The following TNFRSF10A variants were observed in gnomAD, a reference collection of about 807,000 sequenced individuals.
TNFRSF10A encodes tumor necrosis factor receptor superfamily member 10A.
TNFRSF10A carries 44 observed loss-of-function variants against 42.8 expected under a neutral mutation model. The ratio of observed to expected loss-of-function variants is 1.03; its 90% CI spans 0.81 to 1.32. TNFRSF10A has a LOEUF of 1.32. Among genes scored for constraint, TNFRSF10A ranks in the 40% most tolerant of loss-of-function variants. The pLI is 0.00. For missense variants in TNFRSF10A, 680 were observed against 602.0 expected (o/e 1.13, Z -1.36); for synonymous variants, 259 against 234.2 (o/e 1.11, Z -0.97).
intron 2 of TNFRSF10A, among the ~76,000 whole-genome samples, chr8:23,204,134 A>G (rs4872079): frequency 0.93 from 141,377 of 152,176 alleles, 66,622 homozygotes; most frequent in East Asian, 1. Flanking sequence ...TGATAAAAAT[A>G]TGATTATTCA....
At chr8:23,200,426 G>A in intron 6 of TNFRSF10A, 79 bp downstream of exon 6, 2 of 1,503,986 alleles carry the variant, frequency 1.3e-6, no homozygotes, top group Non-Finnish European at 1.8e-6. Flanking sequence ...TTGGGGCAGG[G>A]GTGAGCGTTT....
In TNFRSF10A at chr8:23,214,210, G is replaced by A. The variant is rs1327833855; in HGVS notation, c.307-1998C>T. On this transcript the variant is annotated intron_variant, in intron 1 of 9. Coordinates refer to ENST00000221132, the MANE Select transcript of TNFRSF10A (RefSeq NM_003844.4). ...TGTTTTAAAATGTGTTGTTTAGGCC[G>A]GGCGCAGTGGCTCATGCCTGTAATC... Among the ~76,000 whole-genome samples, 8 of 152,050 alleles carry A rather than the reference G, an allele frequency of 5.3e-5. No homozygotes were observed. The South Asian group carries it at 6.2e-4, about 12-fold the overall frequency.
At chr8:23,218,865 A>C (rs1372177012) in intron 1 of TNFRSF10A, among the ~76,000 whole-genome samples, 1 of 152,220 alleles carries the variant, frequency 6.6e-6, no homozygotes, top group African/African-American at 2.4e-5. Flanking sequence ...GTCTGGTTGT[A>C]TGAGGATTAA....
intron 9 of TNFRSF10A, among the ~76,000 whole-genome samples, chr8:23,195,779 G>C (rs548007154): frequency 2.0e-5 from 3 of 152,100 alleles, no homozygotes; most frequent in Non-Finnish European, 4.4e-5. Context: ...CAATCTTTTA[G>C]TATTAAATTA....
intron 9 of TNFRSF10A, among the ~76,000 whole-genome samples, chr8:23,195,437 A>C (rs1044783181): frequency 6.6e-6 from 1 of 152,152 alleles, no homozygotes; most frequent in Admixed American, 6.5e-5. Context: ...TCTCTGCCTA[A>C]TTTCTCTAGA....
chr8:23,216,116 C>A (rs964919456), intron 1 of TNFRSF10A, among the ~76,000 whole-genome samples: 3 of 152,116 alleles, frequency 2.0e-5, no homozygotes, highest in African/African-American at 4.8e-5. Flanking sequence ...TCTCGTCCGG[C>A]CAGTTTATTA....
At position 23,191,558 on chromosome 8, in the gene TNFRSF10A, C is replaced by G. The variant is rs1800753784; in HGVS notation, c.*136G>C. The G allele has an allele frequency of 8.3e-6, 11 of 1,326,550 alleles. No individual in the cohort carries two copies. The South Asian group carries it at 1.6e-4, about 19-fold the overall frequency. 82.2% of individuals were successfully genotyped at this position (1,326,550 alleles called of 1,614,324 possible). A position where few individuals can be genotyped will look rare whatever the true frequency, so the allele number is the denominator to read the frequency against. ...CAAGTGATCCACCCGCCTCAGCCTC[C>G]CAAAGTGCTGGGATTACAGGCATGA... is the stretch of plus-strand genomic sequence containing the variant. On this transcript the variant is annotated 3_prime_UTR_variant, in exon 10 of 10. Coordinates refer to ENST00000221132, the MANE Select transcript of TNFRSF10A (RefSeq NM_003844.4).
chr8:23,198,173 C>T (rs1299419144), intron 8 of TNFRSF10A, among the ~76,000 whole-genome samples: 3 of 152,052 alleles, frequency 2.0e-5, no homozygotes, highest in African/African-American at 4.8e-5. Context: ...ATGGGAGAAT[C>T]GGCAGCTCAA....
chr8:23,203,843 C>T (rs1800969974), intron 2 of TNFRSF10A, among the ~76,000 whole-genome samples: 1 of 148,234 alleles, frequency 6.7e-6, no homozygotes, highest in Non-Finnish European at 1.5e-5. Context: ...GTGGCGTGAT[C>T]TTGGCTCACT....
intron 2 of TNFRSF10A, 147 bp from the exon 3 acceptor site, chr8:23,202,908 G>C (rs1398193053): frequency 1.7e-6 from 1 of 599,242 alleles, no homozygotes; most frequent in East Asian, 2.9e-5. Flanking sequence ...CGTCAATTCT[G>C]CATCTATACA....
rs1174953913 is a variant in TNFRSF10A at position 23,192,014 on chromosome 8, C to G, written c.1088-1G>C. On this transcript the variant is annotated splice_acceptor_variant, in intron 9 of 9. Coordinates refer to ENST00000221132, the MANE Select transcript of TNFRSF10A (RefSeq NM_003844.4). LOFTEE classifies it high-confidence loss of function. ...AACTTGTCAAAGAACAGCATCAGAGCTGGGTGGAGAAAGCCACAGAGACAG... is the reference window on the plus strand; with the variant it reads ...AACTTGTCAAAGAACAGCATCAGAGGTGGGTGGAGAAAGCCACAGAGACAG... 1 of 1,611,038 alleles carries G rather than the reference C, an allele frequency of 6.2e-7. No individual in the cohort carries two copies. Among genetic ancestry groups the G allele is most frequent in the Non-Finnish European group, 8.5e-7 (1 of 1,179,040 alleles).
intron 8 of TNFRSF10A, among the ~76,000 whole-genome samples, chr8:23,198,171 A>C (rs1227470843): frequency 6.6e-6 from 1 of 152,198 alleles, no homozygotes; most frequent in Non-Finnish European, 1.5e-5. Context: ...AAATGGGAGA[A>C]TCGGCAGCTC....
intron 9 of TNFRSF10A, among the ~76,000 whole-genome samples, chr8:23,194,975 G>A (rs1043949586): frequency 5.9e-5 from 9 of 152,038 alleles, no homozygotes; most frequent in African/African-American, 1.7e-4. Context: ...ACTGGCCAAC[G>A]TGGCAAAACC....
intron 2 of TNFRSF10A, among the ~76,000 whole-genome samples, chr8:23,211,401 A>G (rs1801090355): frequency 6.6e-6 from 1 of 152,208 alleles, no homozygotes; most frequent in Non-Finnish European, 1.5e-5. Flanking sequence ...AAAATTAGAG[A>G]TGATTTAAAT....
At chr8:23,218,772 C>T (rs1801218273) in intron 1 of TNFRSF10A, among the ~76,000 whole-genome samples, 1 of 152,202 alleles carries the variant, frequency 6.6e-6, no homozygotes, top group Admixed American at 6.5e-5. Flanking sequence ...GTTGCTCATC[C>T]TCCTGCCCAG....
chr8:23,199,523 C>T, intron 7 of TNFRSF10A, 75 bp from the exon 8 acceptor site: 1 of 1,533,946 alleles, frequency 6.5e-7, no homozygotes, highest in East Asian at 2.3e-5. Flanking sequence ...ACGGCTGGAC[C>T]TGCTGCCACC....
chr8:23,224,062 C>T (rs1801294844), intron 1 of TNFRSF10A, among the ~76,000 whole-genome samples: 1 of 151,948 alleles, frequency 6.6e-6, no homozygotes, highest in African/African-American at 2.4e-5. Flanking sequence ...CGCGGTGGCT[C>T]ACGCCTGTAA....
At chr8:23,207,407 G>C in intron 2 of TNFRSF10A, 1 of 513,180 alleles carries the variant, frequency 1.9e-6, no homozygotes, top group Non-Finnish European at 3.8e-6. Flanking sequence ...ACATGTATAT[G>C]TTTTCACCAG....
At position 23,200,738 on chromosome 8, in the gene TNFRSF10A, C is replaced by A. The variant is rs368869003; in HGVS notation, c.652G>T (p.Val218Phe). The A allele has an allele frequency of 1.2e-4, 197 of 1,613,784 alleles. No homozygotes were observed. The highest frequency in any genetic ancestry group is 1.6e-4 in the Non-Finnish European group (183 of 1,179,968). ...SRGCPRGMVKVKDCTPWSDIE... is the reference protein window; with the variant it reads ...SRGCPRGMVKFKDCTPWSDIE... ...TCACTCCAGGGCGTACAATCCTTGA[C>A]CTTGACCATCCCTCTGGGGCACCTG... is the stretch of plus-strand genomic sequence containing the variant. The change falls in exon 5 of 10, where the codon GTC (valine) becomes TTC (phenylalanine). Residue 218 changes from valine (V) to phenylalanine (F), a missense_variant. Transcript: ENST00000221132.
Sources: allele counts gnomAD v4.1 joint callset (sites outside exome capture counted in the v4.1 genomes callset), GRCh38; gene constraint gnomAD v4.1.1; transcripts MANE v1.5; gene names NCBI Gene and HGNC (gene_info 2026-07-23, HGNC 2026-07-21).